PAM: variants seen among roughly 807,000 people sequenced by gnomAD.
PAM encodes peptidylglycine alpha-amidating monooxygenase.
A neutral mutation model predicts 122.1 loss-of-function variants in PAM; 72 were observed. That is an observed-to-expected ratio of 0.59 (90% CI 0.49 to 0.72). The LOEUF (loss-of-function observed/expected upper bound fraction) is 0.72, where lower values mean the gene tolerates loss of function less well. Ranked by LOEUF, PAM falls within the 30% of genes least tolerant of loss-of-function variation. PAM has a pLI of 0.00. For missense variants in PAM, 1,106 were observed against 1,183.7 expected (o/e 0.93, Z 0.96); for synonymous variants, 389 against 404.4 (o/e 0.96, Z 0.46).
intron 1 of PAM, among the ~76,000 whole-genome samples, chr5:102,816,561 G>A (rs1769870939): frequency 6.6e-6 from 1 of 152,052 alleles, no homozygotes; most frequent in Non-Finnish European, 1.5e-5. Flanking sequence ...GTGGCTTCAG[G>A]TCAAGAGAGT....
At chr5:102,968,174 G>C (rs964060909) in intron 14 of PAM, among the ~76,000 whole-genome samples, 1 of 152,158 alleles carries the variant, frequency 6.6e-6, no homozygotes, top group Non-Finnish European at 1.5e-5. Context: ...TAGCACTTGA[G>C]CTCAGAAGAT....
At chr5:102,959,604 A>G (rs1023605836) in intron 12 of PAM, among the ~76,000 whole-genome samples, 1 of 152,104 alleles carries the variant, frequency 6.6e-6, no homozygotes, top group Admixed American at 6.6e-5. Context: ...ATATTCCCTC[A>G]TCTACTAAAA....
At chr5:102,839,107 C>T (rs1229893954) in intron 1 of PAM, among the ~76,000 whole-genome samples, 1 of 152,116 alleles carries the variant, frequency 6.6e-6, no homozygotes, top group Non-Finnish European at 1.5e-5. Flanking sequence ...AACCACCACC[C>T]AGGTCAAGAA....
intron 14 of PAM, among the ~76,000 whole-genome samples, chr5:102,965,345 G>T (rs964765624): frequency 6.6e-6 from 1 of 151,428 alleles, no homozygotes; most frequent in Non-Finnish European, 1.5e-5. Context: ...TTTAAGCAAA[G>T]AATATGGGCT....
chr5:102,925,595 T>A (rs1749149599), intron 6 of PAM, among the ~76,000 whole-genome samples: 7 of 152,190 alleles, frequency 4.6e-5, no homozygotes, highest in Admixed American at 4.6e-4. Context: ...GATCTCGTGA[T>A]ACACATGCAC....
Position 103,024,511 on chromosome 5 carries a change from T to G in PAM, c.2486-620T>G, listed in dbSNP as rs112508390. 4.1e-3 allele frequency among the ~76,000 whole-genome samples: 617 copies of G among 152,290 alleles called. 2 individuals carry two copies. Among genetic ancestry groups the G allele is most frequent in the African/African-American group, 0.014 (582 of 41,572 alleles). ...AAAAGCACATAGTTCCTTTTTTCTT[T>G]TGTAATCCTAGCATTAATGTGTGCA... On this transcript the variant is annotated intron_variant, in intron 23 of 25. Transcript: ENST00000438793.
intron 8 of PAM, among the ~76,000 whole-genome samples, chr5:102,948,051 A>T (rs1184518784): frequency 6.6e-6 from 1 of 152,036 alleles, no homozygotes; most frequent in African/African-American, 2.4e-5. Context: ...CGCACTATGG[A>T]AAATAATCTG....
chr5:102,779,811 A>G (rs1020978752), intron 1 of PAM, among the ~76,000 whole-genome samples: 14 of 112,050 alleles, frequency 1.2e-4, no homozygotes, highest in Non-Finnish European at 2.4e-4. Flanking sequence ...CTGGCTCTCA[A>G]TGCTCCTCGC....
intron 3 of PAM, among the ~76,000 whole-genome samples, chr5:102,883,764 TG>T (rs1423167175): frequency 6.6e-6 from 1 of 152,010 alleles, no homozygotes; most frequent in East Asian, 1.9e-4. Context: ...ACAGAAGTGG[TG>T]AAAGTGGCCA....
chr5:103,001,591 A>G (rs1777409572), intron 16 of PAM, among the ~76,000 whole-genome samples: 1 of 152,208 alleles, frequency 6.6e-6, no homozygotes, highest in South Asian at 2.1e-4. Flanking sequence ...CATCATTAAT[A>G]AGAACTACTT....
At chr5:102,947,176 G>C (rs568482616) in intron 8 of PAM, among the ~76,000 whole-genome samples, 1 of 152,228 alleles carries the variant, frequency 6.6e-6, no homozygotes, top group South Asian at 2.1e-4. Context: ...CATAGTTGTC[G>C]GCAGGCTTCA....
At position 103,028,254 on chromosome 5, in the gene PAM, T is replaced by A. The variant is rs760310786; in HGVS notation, c.2743+16T>A. 3 of 1,558,078 alleles carry A rather than the reference T, an allele frequency of 1.9e-6. No individual in the cohort carries two copies. The highest frequency in any genetic ancestry group is 2.2e-5 in the South Asian group (2 of 89,424). Reference sequence around the variant, plus strand: ...AGATTTAGAGGTATGCCTATGACCTTTTAGAACCCTTCATGTTTGGTTCAA... The same window carrying A: ...AGATTTAGAGGTATGCCTATGACCTATTAGAACCCTTCATGTTTGGTTCAA... On this transcript the variant is annotated intron_variant, in intron 25 of 25. Coordinates refer to ENST00000438793, the MANE Select transcript of PAM (RefSeq NM_001177306.2).
At chr5:102,911,098 C>A (rs553359608) in intron 4 of PAM, among the ~76,000 whole-genome samples, 1 of 151,958 alleles carries the variant, frequency 6.6e-6, no homozygotes, top group Non-Finnish European at 1.5e-5. Context: ...TTTAAGGCAT[C>A]TACTGTTTGT....
At chr5:102,806,633 A>G (rs894474983) in intron 1 of PAM, among the ~76,000 whole-genome samples, 1 of 152,240 alleles carries the variant, frequency 6.6e-6, no homozygotes, top group African/African-American at 2.4e-5. Context: ...AATTTATAGT[A>G]AACTGCATTT....
chr5:102,790,823 T>C (rs962218174), intron 1 of PAM, among the ~76,000 whole-genome samples: 4 of 152,060 alleles, frequency 2.6e-5, no homozygotes, highest in African/African-American at 7.2e-5. Context: ...TTATGAAAAA[T>C]TGTCAAATGC....
At chr5:103,018,844 C>G (rs1389487177) in intron 22 of PAM, among the ~76,000 whole-genome samples, 2 of 152,142 alleles carry the variant, frequency 1.3e-5, no homozygotes, top group Non-Finnish European at 2.9e-5. Context: ...TCATGGAAGA[C>G]AATTTTTCCA....
At chr5:102,889,135 T>A (rs1290177272) in intron 3 of PAM, among the ~76,000 whole-genome samples, 1 of 151,982 alleles carries the variant, frequency 6.6e-6, no homozygotes, top group Non-Finnish European at 1.5e-5. Flanking sequence ...TCTCCAGATG[T>A]CCTTCCCACC....
At chr5:102,815,546 C>T (rs538287376) in intron 1 of PAM, among the ~76,000 whole-genome samples, 3 of 152,160 alleles carry the variant, frequency 2.0e-5, no homozygotes, top group Non-Finnish European at 4.4e-5. Context: ...GTAGCTATTC[C>T]AGTATCCTGC....
At chr5:102,799,031 T>A (rs1362492518) in intron 1 of PAM, among the ~76,000 whole-genome samples, 1 of 152,182 alleles carries the variant, frequency 6.6e-6, no homozygotes, top group South Asian at 2.1e-4. Context: ...TAACTTCTTT[T>A]GAGAAAATGT....
Sources: gnomAD v4.1 joint callset for allele counts (sites outside exome capture counted in the v4.1 genomes callset) on GRCh38, gnomAD v4.1.1 for gene constraint, MANE v1.5 for transcripts, NCBI Gene and HGNC (gene_info 2026-07-23, HGNC 2026-07-21) for gene names.